Variants in LRRC37A2 observed in about 807,000 individuals in gnomAD.
The protein encoded by LRRC37A2 is leucine rich repeat containing 37 member A2, also known as leucine-rich repeat-containing protein 37A2.
In LRRC37A2, 9 loss-of-function variants were observed where a neutral mutation model predicts 68.8. The ratio of observed to expected loss-of-function variants is 0.13; its 90% CI spans 0.08 to 0.23. LRRC37A2 has a LOEUF of 0.23. Among genes scored for constraint, LRRC37A2 ranks in the 10% least tolerant of loss-of-function variants. LRRC37A2 has a pLI of 1.00. For synonymous variants in LRRC37A2, 63 were observed against 367.6 expected, an observed-to-expected ratio of 0.17 and a Z score of 9.48; for missense variants, 168 against 950.4, an observed-to-expected ratio of 0.18 and a Z score of 10.82.
the LRRC37A2 span, among the ~76,000 whole-genome samples, chr17:46,703,827 C>G: frequency 6.9e-6 from 1 of 143,996 alleles, no homozygotes; most frequent in African/African-American, 2.6e-5. Context: ...CTCTTTTCAT[C>G]TTGTAAAACT....
chr17:46,808,671 G>A, the LRRC37A2 span, among the ~76,000 whole-genome samples: 1 of 152,168 alleles, frequency 6.6e-6, no homozygotes, highest in Non-Finnish European at 1.5e-5. Flanking sequence ...CCTGTTCCTA[G>A]ATAGAGAAAC....
At chr17:46,834,005 G>A in the LRRC37A2 span, among the ~76,000 whole-genome samples, 2 of 152,142 alleles carry the variant, frequency 1.3e-5, no homozygotes, top group African/African-American at 4.8e-5. Context: ...AGACCAACCT[G>A]GGCAACATAG....
the LRRC37A2 span, among the ~76,000 whole-genome samples, chr17:46,988,314 T>G: frequency 3.3e-5 from 5 of 152,290 alleles, no homozygotes; most frequent in East Asian, 3.9e-4. Flanking sequence ...TGGTGGTTGC[T>G]GGGGCTGGGG....
At chr17:46,794,999 C>T in the LRRC37A2 span, among the ~76,000 whole-genome samples, 1 of 152,074 alleles carries the variant, frequency 6.6e-6, no homozygotes, top group Non-Finnish European at 1.5e-5. Context: ...GATCTGCCCG[C>T]CTCGGCCTCC....
the LRRC37A2 span, among the ~76,000 whole-genome samples, chr17:46,737,941 T>G: frequency 1.7e-5 from 1 of 60,412 alleles, no homozygotes. Flanking sequence ...ATTATTATTA[T>G]TATTATTATT....
At chr17:46,754,149 CTTT>C in the LRRC37A2 span, among the ~76,000 whole-genome samples, 1 of 134,052 alleles carries the variant, frequency 7.5e-6, no homozygotes. Flanking sequence ...CCAGCCAGTT[CTTT>C]TTTTTTTTTT....
At chr17:46,940,552 C>G in the LRRC37A2 span, 6 of 1,614,168 alleles carry the variant, frequency 3.7e-6, no homozygotes, top group Non-Finnish European at 5.1e-6. Flanking sequence ...TCCTGTCCCC[C>G]AGGCACCCAA....
At chr17:46,939,194 G>T in the LRRC37A2 span, 2 of 1,083,234 alleles carry the variant, frequency 1.8e-6, no homozygotes, top group Non-Finnish European at 2.3e-6. Context: ...GGAAAGGAAA[G>T]AGGCCTTTTC....
chr17:46,745,067 G>T, the LRRC37A2 span, among the ~76,000 whole-genome samples: 1 of 152,010 alleles, frequency 6.6e-6, no homozygotes, highest in African/African-American at 2.4e-5. Flanking sequence ...TCCGTCAAGG[G>T]GCATGTTTGG....
chr17:46,793,272 T>TAAAAAAA, the LRRC37A2 span, among the ~76,000 whole-genome samples: 20 of 41,966 alleles, frequency 4.8e-4, 2 homozygotes, highest in East Asian at 3.1e-3. Flanking sequence ...AGACCCTGTC[T>TAAAAAAA]AAAAAAAAAA....
chr17:46,502,692 CA>C, the LRRC37A2 span, among the ~76,000 whole-genome samples: 1 of 151,286 alleles, frequency 6.6e-6, no homozygotes, highest in African/African-American at 2.5e-5. Flanking sequence ...GTTTTAAAAT[CA>C]AGGAAAGGCC....
the LRRC37A2 span, chr17:46,937,472 A>G: frequency 6.6e-6 from 1 of 152,216 alleles, no homozygotes; most frequent in African/African-American, 2.4e-5. Context: ...TAAGGTATAC[A>G]GATCATATTT....
the LRRC37A2 span, among the ~76,000 whole-genome samples, chr17:46,394,144 CAA>C: frequency 7.1e-5 from 5 of 70,170 alleles, 1 homozygote; most frequent in East Asian, 1.5e-3. Context: ...CAGAATGGAT[CAA>C]AGACCTAAAC....
chr17:46,667,505 C>T, the LRRC37A2 span, among the ~76,000 whole-genome samples: 2 of 136,502 alleles, frequency 1.5e-5, 1 homozygote, highest in Admixed American at 1.5e-4. Context: ...AAAACTAAAA[C>T]TAAAACAACC....
chr17:46,529,498 C>T (rs1417642942), intron 6 of LRRC37A2, among the ~76,000 whole-genome samples: 11 of 106,100 alleles, frequency 1.0e-4, no homozygotes, highest in African/African-American at 3.2e-4. Context: ...TGGAAATGGT[C>T]ATCTACTGTG....
the LRRC37A2 span, among the ~76,000 whole-genome samples, chr17:46,608,300 ACT>A: frequency 1.5e-5 from 1 of 68,538 alleles, no homozygotes; most frequent in African/African-American, 7.6e-5. Context: ...ACAGAGCAAG[ACT>A]CTGTCTCAAA....
chr17:46,732,507 T>G, the LRRC37A2 span, among the ~76,000 whole-genome samples: 1 of 152,222 alleles, frequency 6.6e-6, no homozygotes. Flanking sequence ...TCTTTGAATT[T>G]TAAATTTTTC....
At chr17:46,868,459 G>A in the LRRC37A2 span, among the ~76,000 whole-genome samples, 1 of 152,152 alleles carries the variant, frequency 6.6e-6, no homozygotes, top group African/African-American at 2.4e-5. Context: ...AGCTGGGCGT[G>A]GTGGCACGTG....
the LRRC37A2 span, among the ~76,000 whole-genome samples, chr17:46,845,211 T>C: frequency 2.0e-5 from 3 of 152,122 alleles, no homozygotes; most frequent in Non-Finnish European, 4.4e-5. Context: ...CTTTCTGTTG[T>C]AAAACACCCC....
Sources: gnomAD v4.1 joint callset for allele counts (sites outside exome capture counted in the v4.1 genomes callset) on GRCh38, gnomAD v4.1.1 for gene constraint, MANE v1.5 for transcripts, NCBI Gene and HGNC (gene_info 2026-07-23, HGNC 2026-07-21) for gene names.